BTBD8: variants seen among roughly 807,000 people sequenced by gnomAD.
The protein encoded by BTBD8 is BTB domain containing 8.
In BTBD8, 110 loss-of-function variants were observed where a neutral mutation model predicts 162.9. That is an observed-to-expected ratio of 0.68 (90% CI 0.58 to 0.79). BTBD8 has a LOEUF of 0.79. BTBD8 is among the 30% of genes least tolerant of loss of function. The pLI is 0.00. For missense variants in BTBD8, 1,905 were observed against 2,085.4 expected (o/e 0.91, Z 1.68); for synonymous variants, 667 against 716.1 (o/e 0.93, Z 1.10).
intron 9 of BTBD8, among the ~76,000 whole-genome samples, chr1:92,154,780 G>A (rs1400859035): frequency 6.6e-6 from 1 of 152,038 alleles, no homozygotes; most frequent in African/African-American, 2.4e-5. Context: ...TTAATTTGAT[G>A]TAGTTTCACT....
intron 2 of BTBD8, among the ~76,000 whole-genome samples, chr1:92,094,199 A>G (rs954545017): frequency 6.6e-6 from 1 of 152,178 alleles, no homozygotes; most frequent in Admixed American, 6.5e-5. Context: ...GTTTTGTATT[A>G]GGTTAGTCGT....
chr1:92,157,960 A>G (rs1050456780), intron 9 of BTBD8, among the ~76,000 whole-genome samples: 3 of 152,094 alleles, frequency 2.0e-5, no homozygotes, highest in African/African-American at 7.2e-5. Flanking sequence ...GTATCTTCCT[A>G]TCTTCCTGGC....
chr1:92,149,662 A>T (rs1043907080), intron 9 of BTBD8, among the ~76,000 whole-genome samples: 1 of 152,178 alleles, frequency 6.6e-6, no homozygotes, highest in Non-Finnish European at 1.5e-5. Flanking sequence ...TGGCTTTTAC[A>T]CTAGGAAGGC....
intron 9 of BTBD8, 39 bp downstream of exon 9, chr1:92,147,825 T>A: frequency 6.6e-7 from 1 of 1,512,686 alleles, no homozygotes; most frequent in Non-Finnish European, 9.0e-7. Flanking sequence ...TGTTTGCCAT[T>A]AAAAAGTTTA....
intron 9 of BTBD8, among the ~76,000 whole-genome samples, chr1:92,159,802 G>C (rs1442596985): frequency 6.6e-6 from 1 of 152,096 alleles, no homozygotes; most frequent in East Asian, 1.9e-4. Context: ...TACATAAGTT[G>C]CTTTTTTCTT....
chr1:92,150,360 G>T (rs1650017617), intron 9 of BTBD8, among the ~76,000 whole-genome samples: 1 of 152,178 alleles, frequency 6.6e-6, no homozygotes, highest in Non-Finnish European at 1.5e-5. Context: ...TGGTGAATCT[G>T]TGAGTGGCAG....
chr1:92,169,524 C>G (rs908486921), intron 12 of BTBD8, among the ~76,000 whole-genome samples: 1 of 152,018 alleles, frequency 6.6e-6, no homozygotes, highest in African/African-American at 2.4e-5. Context: ...TAGGTATCAT[C>G]TGAAACATTA....
chr1:92,147,162 G>A lies in BTBD8; in HGVS notation c.931-18G>A. The A allele has an allele frequency of 1.3e-6, 2 of 1,554,452 alleles. No individual in the cohort carries two copies. Among genetic ancestry groups the A allele is most frequent in the Non-Finnish European group, 1.8e-6 (2 of 1,140,622 alleles). ...TAAATTGAAAAGGAATAAATATGGTGTTTTCCATCAATTTTAGCCTGTTCC... is the reference window on the plus strand; with the variant it reads ...TAAATTGAAAAGGAATAAATATGGTATTTTCCATCAATTTTAGCCTGTTCC... On this transcript the variant is annotated intron_variant, in intron 7 of 17. Coordinates refer to ENST00000636805, the MANE Select transcript of BTBD8 (RefSeq NM_001376131.1).
chr1:92,174,200 C>T (rs1317648183), intron 13 of BTBD8, among the ~76,000 whole-genome samples: 1 of 151,898 alleles, frequency 6.6e-6, no homozygotes, highest in Non-Finnish European at 1.5e-5. Context: ...TTAATTTTTC[C>T]TATTTTTTGA....
chr1:92,106,660 C>CAAAAAAAAAAAAAA (rs60676530), intron 3 of BTBD8, among the ~76,000 whole-genome samples: 1 of 9,944 alleles, frequency 1.0e-4, no homozygotes, highest in African/African-American at 4.0e-4. Context: ...GACTCTGTCT[C>CAAAAAAAAAAAAAA]AAAAAAAAAA....
At chr1:92,121,279 G>A (rs191701795) in intron 4 of BTBD8, among the ~76,000 whole-genome samples, 2 of 152,296 alleles carry the variant, frequency 1.3e-5, no homozygotes, top group Admixed American at 1.3e-4. Flanking sequence ...GCTGAATTCA[G>A]TTTGCTAATA....
chr1:92,180,810 G>A lies in BTBD8; in HGVS notation c.3127G>A (p.Glu1043Lys). 3 of 1,551,444 alleles carry A rather than the reference G, an allele frequency of 1.9e-6. No individual in the cohort carries two copies. The highest frequency in any genetic ancestry group is 2.6e-6 in the Non-Finnish European group (3 of 1,146,924). Residue 1043 changes from glutamate to lysine, a missense_variant, in exon 17 of 18, where the codon GAA becomes AAA. By Grantham distance (56) the Glu-to-Lys change is moderately conservative. This residue lies in a region of BTBD8 where 1,374 missense variants were observed against 1,442.7 expected (regional missense o/e 0.95). Transcript: ENST00000636805. ...KLDKSLKHEL[E>K]SKQICLDKSE... is the part of the protein sequence containing the mutation. ...GGATAAATCATTAAAACACGAACTG[G>A]AATCAAAACAGATTTGTTTAGATAA... is the stretch of plus-strand genomic sequence containing the variant.
intron 9 of BTBD8, among the ~76,000 whole-genome samples, chr1:92,164,945 C>T (rs1404278428): frequency 2.0e-5 from 3 of 151,816 alleles, no homozygotes; most frequent in African/African-American, 4.8e-5. Flanking sequence ...AGCCACCTCA[C>T]CTGGCCAGTA....
chr1:92,116,287 T>G (rs1649041122), intron 4 of BTBD8, among the ~76,000 whole-genome samples: 1 of 152,112 alleles, frequency 6.6e-6, no homozygotes, highest in Non-Finnish European at 1.5e-5. Context: ...ATGTTCCACA[T>G]GTACTTAAAA....
rs866464864 is a variant in BTBD8, at chr1:92,102,584, G to C, written c.459G>C (p.Lys153Asn). The C allele has an allele frequency of 1.3e-6, 2 of 1,598,312 alleles. No homozygotes were observed. Among genetic ancestry groups the C allele is most frequent in the Middle Eastern group, 1.7e-4 (1 of 6,000 alleles). Reference sequence around the variant, plus strand: ...AGCAACTTGACATCAGTTTTCCAAAGTGTGAAAACTCATCTGATTGTTCTC... The same window carrying C: ...AGCAACTTGACATCAGTTTTCCAAACTGTGAAAACTCATCTGATTGTTCTC... ...SQKQLDISFP[K>N]CENSSDCSLQ... Residue 153 changes from lysine to asparagine, a missense_variant, in exon 3 of 18, where the codon AAG (lysine) becomes AAC (asparagine). Around this residue, in one of 3 missense-constraint regions of BTBD8, gnomAD observed 1,374 missense variants for 1,442.7 expected, o/e 0.95. Coordinates refer to ENST00000636805, the MANE Select transcript of BTBD8 (RefSeq NM_001376131.1).
Position 92,182,525 on chromosome 1 carries a change from G to A in BTBD8, c.4842G>A (p.Leu1614=), listed in dbSNP as rs1650946245. 1 of 1,543,898 alleles carries A rather than the reference G, an allele frequency of 6.5e-7. No individual in the cohort carries two copies. The change falls in exon 17 of 18, where the codon CTG becomes CTA. Residue 1614 remains leucine (L), a synonymous_variant. Coordinates refer to ENST00000636805, the MANE Select transcript of BTBD8 (RefSeq NM_001376131.1). ...KSLDSFRSQV[L]PQEGPVKESH... ...TAGACTCCTTTCGGAGTCAAGTTCT[G>A]CCTCAGGAAGGTCCAGTGAAAGAGA...
chr1:92,102,702 C>A (rs1386665732), intron 3 of BTBD8, 33 bp downstream of exon 3: 3 of 1,381,192 alleles, frequency 2.2e-6, no homozygotes, highest in South Asian at 3.9e-5. Context: ...GTATTTATAG[C>A]CGTAAAAATA....
At chr1:92,083,100 C>T (rs1469860919) in intron 1 of BTBD8, among the ~76,000 whole-genome samples, 1 of 151,332 alleles carries the variant, frequency 6.6e-6, no homozygotes, top group Non-Finnish European at 1.5e-5. Flanking sequence ...CAAGCCACTG[C>T]CCTCCAGTCT....
At position 92,177,220 on chromosome 1, in the gene BTBD8, T is replaced by C; in HGVS notation, c.2027T>C (p.Leu676Pro). The C allele has an allele frequency of 6.4e-7, 1 of 1,551,918 alleles. No homozygotes were observed. Among genetic ancestry groups the C allele is most frequent in the Non-Finnish European group, 8.7e-7 (1 of 1,147,028 alleles). Residue 676 changes from leucine to proline, a missense_variant, in exon 14 of 18, where the codon CTA (leucine) becomes CCA (proline). Leu to Pro is a moderately conservative substitution (Grantham distance 98). Around this residue, in one of 3 missense-constraint regions of BTBD8, gnomAD observed 1,374 missense variants for 1,442.7 expected, o/e 0.95. Transcript: ENST00000636805. The part of the protein sequence containing the change: ...AAAATGQKNL[L>P]NGKGVRNQEG... ...GCAGCAACTGGACAGAAGAATTTAC[T>C]AAATGGAAAAGGAGTGAGAAATCAG... is the stretch of plus-strand genomic sequence containing the variant.
Sources: allele counts gnomAD v4.1 joint callset (sites outside exome capture counted in the v4.1 genomes callset), GRCh38; gene constraint gnomAD v4.1.1; regional missense constraint gnomAD v4.1.1; transcripts MANE v1.5; gene names NCBI Gene and HGNC (gene_info 2026-07-23, HGNC 2026-07-21).